LDLRAD4: variants seen among roughly 807,000 people sequenced by gnomAD.
The protein encoded by LDLRAD4 is low-density lipoprotein receptor class A domain-containing protein 4.
A neutral mutation model predicts 17.0 loss-of-function variants in LDLRAD4; 5 were observed. That is an observed-to-expected ratio of 0.29 (90% CI 0.15 to 0.62). The LOEUF is 0.62. Among genes scored for constraint, LDLRAD4 ranks in the 20% least tolerant of loss-of-function variants. The pLI is 0.84. For synonymous variants in LDLRAD4, 168 were observed against 171.8 expected (o/e 0.98, Z 0.17); for missense variants, 340 against 424.7 (o/e 0.80, Z 1.75).
At chr18:13,411,082 C>T (rs979613463) in intron 2 of LDLRAD4, among the ~76,000 whole-genome samples, 1 of 152,112 alleles carries the variant, frequency 6.6e-6, no homozygotes, top group African/African-American at 2.4e-5. Flanking sequence ...AAAATCCCGT[C>T]TCTACTAAAA....
intron 3 of LDLRAD4, among the ~76,000 whole-genome samples, chr18:13,603,514 C>G (rs2095187546): frequency 6.6e-6 from 1 of 152,236 alleles, no homozygotes; most frequent in African/African-American, 2.4e-5. Context: ...GGGCAAATTA[C>G]TTAACCTTTC....
At chr18:13,591,599 A>G (rs1227041948) in intron 3 of LDLRAD4, among the ~76,000 whole-genome samples, 1 of 152,216 alleles carries the variant, frequency 6.6e-6, no homozygotes, top group Non-Finnish European at 1.5e-5. Context: ...TTTAAAGTTA[A>G]CAGATACTAG....
chr18:13,219,961 C>G (rs982728268), intron 1 of LDLRAD4, among the ~76,000 whole-genome samples: 10 of 152,210 alleles, frequency 6.6e-5, no homozygotes, highest in Admixed American at 5.9e-4. Flanking sequence ...CACAATTCTT[C>G]TGGAATATAG....
At chr18:13,292,379 A>G (rs533411602) in intron 1 of LDLRAD4, among the ~76,000 whole-genome samples, 1 of 152,356 alleles carries the variant, frequency 6.6e-6, no homozygotes, top group Admixed American at 6.5e-5. Flanking sequence ...TCAGATGGTT[A>G]TGTGGCTTGA....
chr18:13,514,975 C>G (rs1184667846), intron 3 of LDLRAD4: 1 of 82,082 alleles, frequency 1.2e-5, no homozygotes, highest in African/African-American at 3.8e-5. Flanking sequence ...CCCACCCCCA[C>G]CCCCACATTA....
chr18:13,313,596 C>T (rs1348497140), intron 1 of LDLRAD4, among the ~76,000 whole-genome samples: 4 of 152,234 alleles, frequency 2.6e-5, no homozygotes, highest in East Asian at 1.9e-4. Context: ...GTCCCCCGCA[C>T]GGGGAACTCA....
At chr18:13,590,212 T>C (rs548174487) in intron 3 of LDLRAD4, among the ~76,000 whole-genome samples, 1 of 149,600 alleles carries the variant, frequency 6.7e-6, no homozygotes, top group African/African-American at 2.5e-5. Flanking sequence ...GGTTTGTGTA[T>C]GGGAGGGTGT....
At chr18:13,291,641 A>G (rs2045969430) in intron 1 of LDLRAD4, among the ~76,000 whole-genome samples, 1 of 152,154 alleles carries the variant, frequency 6.6e-6, no homozygotes, top group Non-Finnish European at 1.5e-5. Flanking sequence ...CCCCAAAGCC[A>G]CAACTAGATC....
At chr18:13,544,522 G>C (rs2094331782) in intron 3 of LDLRAD4, among the ~76,000 whole-genome samples, 1 of 152,228 alleles carries the variant, frequency 6.6e-6, no homozygotes, top group Admixed American at 6.5e-5. Context: ...GTCGGCCCAG[G>C]ACTGGCTCAC....
intron 1 of LDLRAD4, among the ~76,000 whole-genome samples, chr18:13,302,780 A>G (rs979059066): frequency 6.6e-6 from 1 of 152,228 alleles, no homozygotes; most frequent in Admixed American, 6.5e-5. Flanking sequence ...TGGTACATGC[A>G]GTTACTGTTA....
At chr18:13,264,333 C>T (rs1170475482) in intron 1 of LDLRAD4, among the ~76,000 whole-genome samples, 1 of 152,288 alleles carries the variant, frequency 6.6e-6, no homozygotes, top group East Asian at 1.9e-4. Context: ...GAGTTATCCT[C>T]AGAGCAGGCC....
chr18:13,460,522 G>A (rs368490584), intron 3 of LDLRAD4, among the ~76,000 whole-genome samples: 2 of 152,244 alleles, frequency 1.3e-5, no homozygotes, highest in East Asian at 3.8e-4. Flanking sequence ...GTCCATTAGA[G>A]TGGACCCATG....
At chr18:13,557,690 A>G (rs575209204) in intron 3 of LDLRAD4, among the ~76,000 whole-genome samples, 1 of 152,326 alleles carries the variant, frequency 6.6e-6, no homozygotes, top group East Asian at 1.9e-4. Context: ...GTGAGCCACC[A>G]CAGCCGGCCT....
chr18:13,288,142 A>G (rs1481937031), intron 1 of LDLRAD4, among the ~76,000 whole-genome samples: 1 of 152,224 alleles, frequency 6.6e-6, no homozygotes, highest in African/African-American at 2.4e-5. Flanking sequence ...TAATTGTAAT[A>G]TTTGGGTGGT....
chr18:13,527,369 C>T (rs573656874), intron 3 of LDLRAD4, among the ~76,000 whole-genome samples: 9 of 152,366 alleles, frequency 5.9e-5, no homozygotes, highest in East Asian at 3.9e-4. Flanking sequence ...GTATAGGAGG[C>T]GGGCCTCCAG....
intron 1 of LDLRAD4, among the ~76,000 whole-genome samples, chr18:13,383,564 C>T (rs1201381126): frequency 6.6e-6 from 1 of 152,212 alleles, no homozygotes; most frequent in Non-Finnish European, 1.5e-5. Flanking sequence ...CGGCAAGCAG[C>T]GTTTGTTCAG....
Position 13,621,287 on chromosome 18 carries a change from G to A in LDLRAD4, c.336+16G>A, listed in dbSNP as rs564547603. On this transcript the variant is annotated intron_variant, in intron 4 of 5. Coordinates refer to ENST00000359446, the Ensembl canonical transcript of LDLRAD4. The surrounding 1 kb of genome is among the most constrained non-coding windows in gnomAD (Gnocchi z 5.5). ...GCTGCCGCAGGTGAGTACCCTGGCC[G>A]CCCCGGCTCCAGAGTCAGGCAGCTG... The A allele has an allele frequency of 1.8e-5, 29 of 1,600,404 alleles. No individual in the cohort carries two copies. The East Asian group carries it at 2.2e-4, about 12-fold the overall frequency.
intron 1 of LDLRAD4, among the ~76,000 whole-genome samples, chr18:13,222,470 C>T (rs1188674231): frequency 2.0e-5 from 3 of 152,150 alleles, no homozygotes; most frequent in Non-Finnish European, 2.9e-5. Flanking sequence ...CAAGTTGGTG[C>T]TTGCCAAGCT....
intron 1 of LDLRAD4, chr18:13,280,170 T>A (rs1331799897): frequency 6.6e-6 from 1 of 152,226 alleles, no homozygotes; most frequent in Non-Finnish European, 1.5e-5. Flanking sequence ...ACTTTTGAGT[T>A]TTTCCCTCCT....
Sources: allele counts gnomAD v4.1 joint callset (sites outside exome capture counted in the v4.1 genomes callset), GRCh38; gene constraint gnomAD v4.1.1; non-coding constraint Gnocchi (gnomAD v3.1); transcripts MANE v1.5; gene names NCBI Gene and HGNC (gene_info 2026-07-23, HGNC 2026-07-21).